The following DACH2 variants were observed in gnomAD, a reference collection of about 807,000 sequenced individuals.
DACH2 encodes dachshund homolog 2.
Under a neutral mutation model 35.8 loss-of-function variants are expected in DACH2, and 17 were observed. The ratio of observed to expected loss-of-function variants is 0.48; its 90% CI spans 0.33 to 0.71. The LOEUF is 0.71. Ranked by LOEUF, DACH2 falls within the 30% of genes least tolerant of loss-of-function variation. The pLI is 0.02. For synonymous variants in DACH2, 195 were observed against 177.3 expected (o/e 1.10, Z -0.79); for missense variants, 469 against 472.7 (o/e 0.99, Z 0.07).
At chrX:86,645,450 T>G (rs1007842361) in intron 3 of DACH2, among the ~76,000 whole-genome samples, 1 of 111,418 alleles carries the variant, frequency 9.0e-6, no homozygotes, top group African/African-American at 3.3e-5. Context: ...ACACTGTTGA[T>G]GGGAGTGTGA....
chrX:86,436,991 C>T (rs998868223), intron 2 of DACH2, among the ~76,000 whole-genome samples: 5 of 110,719 alleles, frequency 4.5e-5, no homozygotes, highest in Non-Finnish European at 7.6e-5. Context: ...GTAATGCTGT[C>T]CCCTCTTTTA....
At chrX:86,316,302 A>G (rs2034904750) in intron 1 of DACH2, among the ~76,000 whole-genome samples, 1 of 109,837 alleles carries the variant, frequency 9.1e-6, no homozygotes, top group Admixed American at 9.8e-5. Flanking sequence ...GAAAGTGCTT[A>G]TTAAGGCGCA....
chrX:86,158,242 G>T (rs1348836873), intron 1 of DACH2, among the ~76,000 whole-genome samples: 1 of 111,043 alleles, frequency 9.0e-6, no homozygotes, highest in Non-Finnish European at 1.9e-5. Context: ...TTACCAAACC[G>T]CAAGTTGACC....
intron 3 of DACH2, among the ~76,000 whole-genome samples, chrX:86,627,468 A>T (rs1029961386): frequency 8.9e-6 from 1 of 111,790 alleles, no homozygotes; most frequent in Non-Finnish European, 1.9e-5. Flanking sequence ...TAATAGAAAC[A>T]TAGTTTTTGA....
At chrX:86,441,652 G>A (rs1352744377) in intron 2 of DACH2, among the ~76,000 whole-genome samples, 1 of 109,300 alleles carries the variant, frequency 9.1e-6, no homozygotes, top group African/African-American at 3.3e-5. Flanking sequence ...TTTCCTTTGG[G>A]TATACACCTA....
intron 7 of DACH2, among the ~76,000 whole-genome samples, chrX:86,765,616 G>A (rs773923955): frequency 9.3e-6 from 1 of 107,207 alleles, no homozygotes; most frequent in Non-Finnish European, 1.9e-5. Context: ...CAATACCATG[G>A]TGTTTTGCTT....
chrX:86,479,416 T>C (rs1243457551), intron 2 of DACH2, among the ~76,000 whole-genome samples: 15 of 111,386 alleles, frequency 1.3e-4, no homozygotes. Context: ...CTGCCCCCTG[T>C]TCCATATCAG....
intron 2 of DACH2, among the ~76,000 whole-genome samples, chrX:86,452,563 G>A (rs1393553120): frequency 9.0e-6 from 1 of 111,100 alleles, no homozygotes; most frequent in African/African-American, 3.3e-5. Flanking sequence ...GAGGGTGTAT[G>A]TGTTCAGAAA....
intron 2 of DACH2, among the ~76,000 whole-genome samples, chrX:86,451,199 T>A (rs971524268): frequency 8.9e-6 from 1 of 111,833 alleles, no homozygotes; most frequent in Non-Finnish European, 1.9e-5. Flanking sequence ...AGGTTTTACA[T>A]TTGAGTCTTT....
At chrX:86,562,627 G>T (rs776300594) in intron 3 of DACH2, among the ~76,000 whole-genome samples, 2 of 111,506 alleles carry the variant, frequency 1.8e-5, no homozygotes, top group Middle Eastern at 4.7e-3. Context: ...TTCTCTCTGT[G>T]TGTGCATACA....
At chrX:86,692,705 T>G (rs964517589) in intron 4 of DACH2, among the ~76,000 whole-genome samples, 1 of 112,017 alleles carries the variant, frequency 8.9e-6, no homozygotes, top group Admixed American at 9.5e-5. Context: ...TTTAATGTCT[T>G]CTAAATGTAT....
intron 10 of DACH2, among the ~76,000 whole-genome samples, chrX:86,815,617 T>TTA (rs1391497365): frequency 5.7e-5 from 6 of 105,541 alleles, no homozygotes; most frequent in Admixed American, 2.1e-4. Flanking sequence ...ATACACATAT[T>TTA]TATATATATA....
intron 3 of DACH2, among the ~76,000 whole-genome samples, chrX:86,551,800 A>T (rs1250840759): frequency 8.9e-6 from 1 of 111,957 alleles, no homozygotes; most frequent in Non-Finnish European, 1.9e-5. Flanking sequence ...TGGCTCAGAT[A>T]AGCAGTTAGT....
At chrX:86,533,037 T>TTTTA (rs1017295547) in intron 3 of DACH2, among the ~76,000 whole-genome samples, 3 of 111,121 alleles carry the variant, frequency 2.7e-5, no homozygotes, top group African/African-American at 9.8e-5. Context: ...ACTTACATTG[T>TTTTA]TTTATTTATT....
chrX:86,456,940 T>G (rs981762680), intron 2 of DACH2, among the ~76,000 whole-genome samples: 1 of 112,037 alleles, frequency 8.9e-6, no homozygotes, highest in East Asian at 2.8e-4. Flanking sequence ...CATTGTTTCT[T>G]AGGAGGAGTT....
At chrX:86,745,952 C>T (rs977596299) in intron 7 of DACH2, among the ~76,000 whole-genome samples, 1 of 111,221 alleles carries the variant, frequency 9.0e-6, no homozygotes, top group South Asian at 3.8e-4. Context: ...GATGGTATCT[C>T]ATAGTGGTTT....
intron 2 of DACH2, among the ~76,000 whole-genome samples, chrX:86,400,300 T>C (rs1041712911): frequency 6.3e-5 from 7 of 110,522 alleles, no homozygotes; most frequent in Non-Finnish European, 1.1e-4. Context: ...TTTTTCAAAG[T>C]TTTTAACTTT....
chrX:86,508,248 T>C (rs187005923), intron 2 of DACH2, among the ~76,000 whole-genome samples: 72 of 111,343 alleles, frequency 6.5e-4, no homozygotes, highest in African/African-American at 2.2e-3. Flanking sequence ...TTTATTTAAT[T>C]TGATTCAGTT....
intron 3 of DACH2, among the ~76,000 whole-genome samples, chrX:86,533,339 G>T (rs2038751269): frequency 8.9e-6 from 1 of 111,845 alleles, no homozygotes. Context: ...ACTCTTCTAT[G>T]CCCTTTCATT....
Sources: allele counts gnomAD v4.1 joint callset (sites outside exome capture counted in the v4.1 genomes callset), GRCh38; gene constraint gnomAD v4.1.1; transcripts MANE v1.5; gene names NCBI Gene and HGNC (gene_info 2026-07-23, HGNC 2026-07-21).